Variants in ZNF638 observed in about 807,000 individuals in gnomAD.
ZNF638 encodes the protein zinc finger protein 638, also known as CTCL tumor antigen se33-1.
In ZNF638, 46 loss-of-function variants were observed where a neutral mutation model predicts 195.6. The observed-to-expected ratio is 0.24, with a 90% confidence interval of 0.19 to 0.30. The LOEUF is 0.30. Among genes scored for constraint, ZNF638 ranks in the 10% least tolerant of loss-of-function variants. The probability of loss-of-function intolerance (pLI) is 1.00; values close to 1 mark genes in which losing one functional copy is unlikely to be tolerated. For synonymous variants in ZNF638, 845 were observed against 772.0 expected (o/e 1.09, Z -1.57); for missense variants, 2,440 against 2,325.3 (o/e 1.05, Z -1.01).
intron 8 of ZNF638, chr2:71,375,149 A>G (rs922632022): frequency 3.3e-5 from 5 of 152,202 alleles, no homozygotes; most frequent in Admixed American, 3.3e-4. Flanking sequence ...TACCTGCTAC[A>G]TGCCATCCAT....
intron 20 of ZNF638, 92 bp from the exon 21 acceptor site, chr2:71,418,510 G>C: frequency 1.4e-6 from 1 of 708,490 alleles, no homozygotes; most frequent in Non-Finnish European, 2.1e-6. Flanking sequence ...TTTTTTTTTT[G>C]AGCTTAAATT....
intron 23 of ZNF638, among the ~76,000 whole-genome samples, chr2:71,424,983 A>G (rs1321623099): frequency 6.6e-6 from 1 of 152,204 alleles, no homozygotes; most frequent in Non-Finnish European, 1.5e-5. Context: ...AGAGTAGGGC[A>G]ATACCTCCAA....
Position 71,418,626 on chromosome 2 carries a change from T to G in ZNF638, c.3286T>G (p.Leu1096Val), listed in dbSNP as rs776819206. Residue 1096 changes from leucine to valine, a missense_variant, in exon 21 of 28, where the codon TTA becomes GTA. By Grantham distance (32) the Leu-to-Val change is conservative. Around this residue, in one of 5 missense-constraint regions of ZNF638, gnomAD observed 1,883 missense variants for 1,739.1 expected, o/e 1.08. Coordinates refer to ENST00000264447, the MANE Select transcript of ZNF638 (RefSeq NM_014497.5). ...GGTGCAAATTGAGCATGACCCAGAA[T>G]TAGAAAAAGAAAGGTATGTTGCTTT... ...PEVQIEHDPE[L>V]EKESPGLKNS... The G allele has an allele frequency of 6.4e-7, 1 of 1,564,698 alleles. No individual in the cohort carries two copies. Among genetic ancestry groups the G allele is most frequent in the South Asian group, 1.2e-5 (1 of 81,266 alleles).
In ZNF638 at chr2:71,400,472, AT is replaced by A; in HGVS notation, c.2657-4del. On this transcript the variant is annotated splice_polypyrimidine_tract_variant and splice_region_variant and intron_variant, in intron 14 of 27. Transcript: ENST00000264447. ...TGCATTGTTTTTAATTTTATTTTGT[AT>A]TAAGATGCTGCTTTGGAGGCCACAG... 1.2e-6 allele frequency: 2 copies of A among 1,603,682 alleles called. No individual in the cohort carries two copies. The highest frequency in any genetic ancestry group is 1.7e-6 in the Non-Finnish European group (2 of 1,176,866).
At chr2:71,380,806 C>A in intron 10 of ZNF638, 1 of 345,472 alleles carries the variant, frequency 2.9e-6, no homozygotes, top group Non-Finnish European at 5.2e-6. Flanking sequence ...TATCGTAGTT[C>A]CACAGTTAAT....
At position 71,426,467 on chromosome 2, in the gene ZNF638, T is replaced by C. The variant is rs1183630040; in HGVS notation, c.4598T>C (p.Leu1533Ser). 1 of 1,565,706 alleles carries C rather than the reference T, an allele frequency of 6.4e-7. No homozygotes were observed. The highest frequency in any genetic ancestry group is 8.6e-7 in the Non-Finnish European group (1 of 1,161,806). ...GRSSKSKEEP[L>S]FPFNLDEFVT... is the part of the protein sequence containing the mutation. ...TTTTTAACTTTCCAACAGGAGCCAT[T>C]ATTTCCATTTAATTTGGATGAATTT... The change falls in exon 24 of 28, where the codon TTA becomes TCA. Residue 1533 changes from leucine (L) to serine (S), a missense_variant. By Grantham distance (145) the Leu-to-Ser change is moderately radical (BLOSUM62 -2). Coordinates refer to ENST00000264447, the MANE Select transcript of ZNF638 (RefSeq NM_014497.5).
chr2:71,416,895 G>A (rs1328177333), intron 20 of ZNF638, among the ~76,000 whole-genome samples: 1 of 150,738 alleles, frequency 6.6e-6, no homozygotes, highest in South Asian at 2.1e-4. Flanking sequence ...GTCAGACAGG[G>A]ACACTTAAGT....
chr2:71,394,057 C>T (rs1401561739), intron 10 of ZNF638, among the ~76,000 whole-genome samples: 1 of 152,180 alleles, frequency 6.6e-6, no homozygotes, highest in Non-Finnish European at 1.5e-5. Context: ...AAGAACAAAG[C>T]CAGGAAAGTA....
intron 10 of ZNF638, among the ~76,000 whole-genome samples, chr2:71,389,487 G>C (rs1318497534): frequency 6.6e-6 from 1 of 152,208 alleles, no homozygotes; most frequent in Non-Finnish European, 1.5e-5. Flanking sequence ...AGCCCAGTCA[G>C]TACCTCCTCT....
At chr2:71,398,605 G>C (rs1450973916) in intron 11 of ZNF638, 96 bp from the exon 12 acceptor site, 14 of 951,370 alleles carry the variant, frequency 1.5e-5, no homozygotes, top group Non-Finnish European at 1.5e-5. Context: ...ATAAAACACA[G>C]CCTATTATTC....
chr2:71,339,084 T>C (rs895776313), intron 1 of ZNF638, among the ~76,000 whole-genome samples: 1 of 152,150 alleles, frequency 6.6e-6, no homozygotes, highest in Non-Finnish European at 1.5e-5. Flanking sequence ...GATGGCATAC[T>C]GTATGCTCAT....
chr2:71,367,825 C>G (rs551747126), intron 6 of ZNF638, among the ~76,000 whole-genome samples: 1 of 151,988 alleles, frequency 6.6e-6, no homozygotes, highest in Admixed American at 6.5e-5. Context: ...TCTGCCTTGG[C>G]CTCCCAAAGC....
intron 8 of ZNF638, among the ~76,000 whole-genome samples, chr2:71,377,548 TGA>T (rs982315678): frequency 1.8e-4 from 27 of 152,332 alleles, no homozygotes; most frequent in Non-Finnish European, 1.8e-4. Context: ...AGAATTTGGA[TGA>T]GAGGTTTTCA....
At chr2:71,406,601 AC>A (rs2080110154) in intron 19 of ZNF638, among the ~76,000 whole-genome samples, 1 of 152,228 alleles carries the variant, frequency 6.6e-6, no homozygotes, top group South Asian at 2.1e-4. Flanking sequence ...GTTGGTTTAC[AC>A]TTACTTGTAA....
chr2:71,337,623 C>G (rs1248552896), intron 1 of ZNF638, among the ~76,000 whole-genome samples: 2 of 124,698 alleles, frequency 1.6e-5, no homozygotes, highest in African/African-American at 2.8e-5. Flanking sequence ...CCAGGCTGGT[C>G]TCGAACTCCT....
chr2:71,410,973 A>ACCCCCC (rs1558876322), intron 20 of ZNF638, among the ~76,000 whole-genome samples: 2 of 49,660 alleles, frequency 4.0e-5, no homozygotes, highest in African/African-American at 1.7e-4. Context: ...TTTTCTCCCC[A>ACCCCCC]CCCACCACCT....
At chr2:71,354,343 CTTTTT>C (rs11372261) in intron 2 of ZNF638, among the ~76,000 whole-genome samples, 1 of 143,656 alleles carries the variant, frequency 7.0e-6, no homozygotes, top group Non-Finnish European at 1.5e-5. Flanking sequence ...ACTGTATTGG[CTTTTT>C]TTTTTTTTTA....
chr2:71,401,855 A>T, intron 15 of ZNF638, 101 bp from the exon 16 acceptor site: 1 of 1,057,020 alleles, frequency 9.5e-7, no homozygotes, highest in Non-Finnish European at 1.3e-6. Flanking sequence ...CCTCAGTATT[A>T]AATGCAACAA....
intron 1 of ZNF638, among the ~76,000 whole-genome samples, chr2:71,334,863 G>T (rs1160045001): frequency 2.6e-5 from 4 of 151,886 alleles, no homozygotes; most frequent in Non-Finnish European, 5.9e-5. Context: ...GGAGGTTGCA[G>T]TGAGCCGAGA....
Sources: gnomAD v4.1 joint callset for allele counts (sites outside exome capture counted in the v4.1 genomes callset) on GRCh38, gnomAD v4.1.1 for gene constraint, gnomAD v4.1.1 regional missense constraint, MANE v1.5 for transcripts, NCBI Gene and HGNC (gene_info 2026-07-23, HGNC 2026-07-21) for gene names.